PGBD5: variants seen among roughly 807,000 people sequenced by gnomAD.
The protein encoded by PGBD5 is piggyBac transposable element-derived protein 5.
PGBD5 carries 14 observed loss-of-function variants against 47.9 expected under a neutral mutation model. The ratio of observed to expected loss-of-function variants is 0.29; its 90% CI spans 0.19 to 0.46. PGBD5 has a LOEUF of 0.46. Ranked by LOEUF, PGBD5 falls within the 20% of genes least tolerant of loss-of-function variation. The pLI is 1.00. For synonymous variants in PGBD5, 316 were observed against 306.3 expected, an observed-to-expected ratio of 1.03 and a Z score of -0.33; for missense variants, 635 against 716.0, an observed-to-expected ratio of 0.89 and a Z score of 1.29.
chr1:230,398,603 G>C (rs1395195522), intron 1 of PGBD5, among the ~76,000 whole-genome samples: 1 of 152,214 alleles, frequency 6.6e-6, no homozygotes, highest in African/African-American at 2.4e-5. Flanking sequence ...GAACTAGACA[G>C]AACTAGGCAG....
chr1:230,362,881 A>G (rs1249906427), intron 1 of PGBD5, among the ~76,000 whole-genome samples: 2 of 151,942 alleles, frequency 1.3e-5, no homozygotes, highest in Non-Finnish European at 2.9e-5. Flanking sequence ...TGACAAGGTT[A>G]GGTCAGCCAG....
At chr1:230,336,836 C>CAGAA (rs1667330980) in intron 4 of PGBD5, among the ~76,000 whole-genome samples, 1 of 19,446 alleles carries the variant, frequency 5.1e-5, no homozygotes, top group Non-Finnish European at 1.8e-3. Context: ...ACAGGGGACA[C>CAGAA]ACAAATGCCC....
At chr1:230,362,735 C>T (rs1667767612) in intron 1 of PGBD5, among the ~76,000 whole-genome samples, 1 of 152,142 alleles carries the variant, frequency 6.6e-6, no homozygotes, top group Non-Finnish European at 1.5e-5. Flanking sequence ...AGCATGTTTA[C>T]CTCTTAAACC....
chr1:230,375,613 CTT>C (rs1667998845), intron 1 of PGBD5, among the ~76,000 whole-genome samples: 1 of 133,954 alleles, frequency 7.5e-6, no homozygotes, highest in African/African-American at 2.9e-5. Flanking sequence ...TAGATTTTGA[CTT>C]TTTAAAGACA....
chr1:230,395,329 C>G (rs1656912418), intron 1 of PGBD5, among the ~76,000 whole-genome samples: 1 of 57,832 alleles, frequency 1.7e-5, no homozygotes, highest in South Asian at 7.5e-4. Flanking sequence ...CCTCACACTC[C>G]TCCCCATCCC....
At chr1:230,332,613 G>T (rs1667237691) in intron 5 of PGBD5, among the ~76,000 whole-genome samples, 2 of 152,114 alleles carry the variant, frequency 1.3e-5, no homozygotes, top group Non-Finnish European at 2.9e-5. Context: ...AGCATGCACC[G>T]CTCAAAAGCT....
At position 230,421,389 on chromosome 1, in the gene PGBD5, A is replaced by G. The variant is rs531255822; in HGVS notation, c.331+4209T>C. Among the ~76,000 whole-genome samples, 10 of 152,354 alleles carry G rather than the reference A, an allele frequency of 6.6e-5. No homozygotes were observed. In the East Asian group the frequency reaches 1.2e-3, roughly 18 times the overall value. On this transcript the variant is annotated intron_variant, in intron 1 of 6. Transcript: ENST00000391860. ...CTGAAAAAGGTTCTAGTAAAAGAAA[A>G]AAAAGGCACTACATTTCCTGAATTA... is the stretch of plus-strand genomic sequence containing the variant.
intron 3 of PGBD5, among the ~76,000 whole-genome samples, chr1:230,350,198 C>G (rs1315314118): frequency 1.3e-5 from 2 of 152,194 alleles, no homozygotes; most frequent in Admixed American, 1.3e-4. Flanking sequence ...GAGAAGGTGT[C>G]GCTGCGCAGC....
chr1:230,412,602 ATGGTCT>A (rs1441181242), intron 1 of PGBD5, among the ~76,000 whole-genome samples: 1 of 151,914 alleles, frequency 6.6e-6, no homozygotes, highest in Non-Finnish European at 1.5e-5. Flanking sequence ...GTTAGCCAGG[ATGGTCT>A]CAATCTCCTG....
intron 1 of PGBD5, among the ~76,000 whole-genome samples, chr1:230,383,774 CCATGAGCTTT>C (rs1344087639): frequency 3.3e-5 from 5 of 152,206 alleles, no homozygotes; most frequent in Admixed American, 3.3e-4. Context: ...GGCCTGAGCC[CCATGAGCTTT>C]GCCTGGCTTT....
chr1:230,375,770 C>T (rs538332371), intron 1 of PGBD5, among the ~76,000 whole-genome samples: 1 of 149,592 alleles, frequency 6.7e-6, no homozygotes, highest in Non-Finnish European at 1.5e-5. Context: ...CCCCTAGACA[C>T]GTACTAGTGT....
At chr1:230,421,913 C>T (rs959577821) in intron 1 of PGBD5, among the ~76,000 whole-genome samples, 3 of 152,140 alleles carry the variant, frequency 2.0e-5, no homozygotes, top group African/African-American at 7.2e-5. Context: ...CAGTTTAATT[C>T]TGGTTTTGAG....
intron 2 of PGBD5, among the ~76,000 whole-genome samples, chr1:230,351,887 T>C (rs1667564874): frequency 6.6e-6 from 1 of 152,206 alleles, no homozygotes; most frequent in African/African-American, 2.4e-5. Context: ...AAAAAAGAGA[T>C]GGCATAATAA....
At chr1:230,370,898 T>A (rs828442) in intron 1 of PGBD5, among the ~76,000 whole-genome samples, 7 of 152,078 alleles carry the variant, frequency 4.6e-5, no homozygotes, top group African/African-American at 1.7e-4. Context: ...TTAGATAGAA[T>A]GAAAGCCCTC....
chr1:230,399,691 G>A (rs270851), intron 1 of PGBD5, among the ~76,000 whole-genome samples: 127,652 of 152,148 alleles, frequency 0.84, 53,553 homozygotes, highest in African/African-American at 0.87. Context: ...GGGTCAAGTG[G>A]CTGAAGGACC....
intron 2 of PGBD5, among the ~76,000 whole-genome samples, chr1:230,355,548 C>T (rs1667624538): frequency 6.6e-6 from 1 of 152,224 alleles, no homozygotes; most frequent in East Asian, 1.9e-4. Flanking sequence ...AGACAATGTG[C>T]TCAGGCCCGT....
intron 1 of PGBD5, among the ~76,000 whole-genome samples, chr1:230,395,365 C>T (rs1394026224): frequency 1.9e-5 from 1 of 51,332 alleles, no homozygotes; most frequent in Non-Finnish European, 3.9e-5. Context: ...CAACACCCTC[C>T]CCTCCTCTCC....
Position 230,318,291 on chromosome 1 carries a change from A to G in PGBD5, c.*5134T>C, listed in dbSNP as rs1256725566. The G allele has an allele frequency of 6.6e-6, 1 of 152,268 alleles. No homozygotes were observed. Among genetic ancestry groups the G allele is most frequent in the Non-Finnish European group, 1.5e-5 (1 of 68,052 alleles). The allele number at this position is 152,268 out of a possible 1,614,324, so 9.4% of individuals were successfully genotyped here. On this transcript the variant is annotated 3_prime_UTR_variant, in exon 7 of 7. Coordinates refer to ENST00000391860, the MANE Select transcript of PGBD5 (RefSeq NM_001258311.2). ...ATACCTGCAAAGAAGGCTGAGAAAT[A>G]TTCTCGAAGATGAGACACACAGAAG...
intron 1 of PGBD5, among the ~76,000 whole-genome samples, chr1:230,420,619 A>T (rs532079249): frequency 6.6e-6 from 1 of 152,214 alleles, no homozygotes; most frequent in South Asian, 2.1e-4. Flanking sequence ...CCCTGCTGGC[A>T]AATTCTCTCT....
Sources: allele counts gnomAD v4.1 joint callset (sites outside exome capture counted in the v4.1 genomes callset), GRCh38; gene constraint gnomAD v4.1.1; transcripts MANE v1.5; gene names NCBI Gene and HGNC (gene_info 2026-07-23, HGNC 2026-07-21).